GPHN: variants seen among roughly 807,000 people sequenced by gnomAD.
GPHN encodes gephyrin.
In GPHN, 17 loss-of-function variants were observed where a neutral mutation model predicts 95.5. The ratio of observed to expected loss-of-function variants is 0.18; its 90% CI spans 0.12 to 0.27. GPHN has a LOEUF of 0.27. Among genes scored for constraint, GPHN ranks in the 10% least tolerant of loss-of-function variants. The probability of loss-of-function intolerance (pLI) is 1.00; values close to 1 mark genes in which losing one functional copy is unlikely to be tolerated. For missense variants in GPHN, 660 were observed against 978.1 expected (o/e 0.67, Z 4.34); for synonymous variants, 320 against 322.5 (o/e 0.99, Z 0.08).
At chr14:67,150,134 CATA>C (rs1010418117) in intron 18 of GPHN, among the ~76,000 whole-genome samples, 7 of 151,940 alleles carry the variant, frequency 4.6e-5, no homozygotes, top group Non-Finnish European at 8.8e-5. Flanking sequence ...TACTATAAAA[CATA>C]ATAACTATTA....
chr14:67,467,874 G>C, the GPHN span: 1 of 152,160 alleles, frequency 6.6e-6, no homozygotes, highest in Non-Finnish European at 1.5e-5. Context: ...ATCTGAAATG[G>C]GAAGAAATGA....
At chr14:67,214,720 G>T in the GPHN span, among the ~76,000 whole-genome samples, 1 of 152,108 alleles carries the variant, frequency 6.6e-6, no homozygotes, top group African/African-American at 2.4e-5. Flanking sequence ...TTGGTAGCTT[G>T]ATGGGGATGG....
At chr14:66,908,456 C>A (rs568017049) in intron 5 of GPHN, among the ~76,000 whole-genome samples, 37 of 152,168 alleles carry the variant, frequency 2.4e-4, no homozygotes, top group African/African-American at 8.9e-4. Context: ...ATACAAATAA[C>A]TTTTTGCACA....
At chr14:67,115,271 ATC>A (rs143171192) in intron 16 of GPHN, among the ~76,000 whole-genome samples, 1,826 of 152,302 alleles carry the variant, frequency 0.012, 18 homozygotes, top group Non-Finnish European at 0.018. Context: ...AAAGCATATT[ATC>A]TCTCCAGAAG....
At chr14:67,260,111 C>G in the GPHN span, among the ~76,000 whole-genome samples, 3 of 152,184 alleles carry the variant, frequency 2.0e-5, no homozygotes, top group African/African-American at 7.2e-5. Context: ...ATGCATCTCT[C>G]TAATAAGTGA....
intron 2 of GPHN, among the ~76,000 whole-genome samples, chr14:66,717,977 G>A (rs931024377): frequency 6.6e-6 from 1 of 152,170 alleles, no homozygotes; most frequent in African/African-American, 2.4e-5. Flanking sequence ...TTTTGTGCTG[G>A]TTGGCCCCCT....
chr14:67,706,772 TA>T, the GPHN span, among the ~76,000 whole-genome samples: 4 of 152,144 alleles, frequency 2.6e-5, no homozygotes, highest in Admixed American at 2.0e-4. Context: ...CTCCACCCTT[TA>T]AAAAAAATCT....
the GPHN span, chr14:67,412,049 C>T: frequency 1.9e-6 from 3 of 1,553,930 alleles, no homozygotes; most frequent in South Asian, 1.2e-5. Context: ...CTTGAGCACG[C>T]CGTCCTCCAT....
intron 1 of GPHN, among the ~76,000 whole-genome samples, chr14:66,601,857 G>A (rs1215699501): frequency 6.6e-6 from 1 of 151,790 alleles, no homozygotes; most frequent in African/African-American, 2.4e-5. Context: ...GTTTTTCAAT[G>A]CATCTCATTA....
At chr14:67,264,261 AT>A in the GPHN span, among the ~76,000 whole-genome samples, 1 of 152,210 alleles carries the variant, frequency 6.6e-6, no homozygotes, top group Non-Finnish European at 1.5e-5. Flanking sequence ...AATTTGTAGA[AT>A]TGTTTAAAGA....
At chr14:66,785,954 G>A (rs2059761225) in intron 3 of GPHN, among the ~76,000 whole-genome samples, 1 of 152,026 alleles carries the variant, frequency 6.6e-6, no homozygotes, top group Non-Finnish European at 1.5e-5. Context: ...GAAGAGGAAA[G>A]TTCTCAAATC....
intron 2 of GPHN, among the ~76,000 whole-genome samples, chr14:66,724,218 CA>C (rs1470598116): frequency 6.6e-6 from 1 of 151,892 alleles, no homozygotes; most frequent in Admixed American, 6.6e-5. Context: ...TGCTTTTCAC[CA>C]ATATTTGGGG....
intron 19 of GPHN, among the ~76,000 whole-genome samples, chr14:67,164,246 C>T (rs1338432570): frequency 9.3e-6 from 1 of 107,492 alleles, no homozygotes; most frequent in Non-Finnish European, 1.7e-5. Flanking sequence ...CTAGCCTGGG[C>T]GACAAAGAGC....
At chr14:67,483,561 C>T in the GPHN span, among the ~76,000 whole-genome samples, 4 of 152,206 alleles carry the variant, frequency 2.6e-5, no homozygotes, top group Non-Finnish European at 5.9e-5. Flanking sequence ...AACTGGGTGT[C>T]AGAGTTCCTA....
chr14:67,350,063 A>G, the GPHN span, among the ~76,000 whole-genome samples: 1 of 152,258 alleles, frequency 6.6e-6, no homozygotes, highest in South Asian at 2.1e-4. Context: ...TTATTTGGAG[A>G]ATTACATAAC....
chr14:67,165,340 C>G (rs1310455609), intron 20 of GPHN, 114 bp downstream of exon 20: 1 of 716,210 alleles, frequency 1.4e-6, no homozygotes, highest in South Asian at 1.5e-5. Context: ...CAAGTCTCAG[C>G]TTTTCTAAAC....
At chr14:66,524,379 G>T (rs1418791659) in intron 1 of GPHN, among the ~76,000 whole-genome samples, 2 of 152,070 alleles carry the variant, frequency 1.3e-5, no homozygotes, top group Admixed American at 1.3e-4. Context: ...TAAATATTAT[G>T]TATAAAAGGG....
intron 5 of GPHN, among the ~76,000 whole-genome samples, chr14:66,894,285 G>C (rs913823936): frequency 2.4e-4 from 37 of 152,154 alleles, no homozygotes; most frequent in African/African-American, 6.8e-4. Flanking sequence ...TTAATAAATG[G>C]TGCTGGGAAA....
chr14:67,574,976 G>A, the GPHN span, among the ~76,000 whole-genome samples: 1 of 152,186 alleles, frequency 6.6e-6, no homozygotes, highest in Non-Finnish European at 1.5e-5. This position sits in a 1 kb window ranked among gnomAD's most constrained non-coding sequence, Gnocchi z 4.2. Context: ...CGTTCAATCT[G>A]TTTATGTCAT....
Sources: allele counts gnomAD v4.1 joint callset (sites outside exome capture counted in the v4.1 genomes callset), GRCh38; gene constraint gnomAD v4.1.1; non-coding constraint Gnocchi (gnomAD v3.1); transcripts MANE v1.5; gene names NCBI Gene and HGNC (gene_info 2026-07-23, HGNC 2026-07-21).